CACNA1E: variants seen among roughly 807,000 people sequenced by gnomAD.
CACNA1E encodes the protein voltage-dependent R-type calcium channel subunit alpha-1E.
In CACNA1E, 40 loss-of-function variants were observed where a neutral mutation model predicts 259.2. That is an observed-to-expected ratio of 0.15 (90% CI 0.12 to 0.20). The LOEUF is 0.20. Among genes scored for constraint, CACNA1E ranks in the 10% least tolerant of loss-of-function variants. CACNA1E has a pLI of 1.00. For missense variants in CACNA1E, 1,874 were observed against 3,040.1 expected, an observed-to-expected ratio of 0.62 and a Z score of 9.02; for synonymous variants, 1,104 against 1,138.5, an observed-to-expected ratio of 0.97 and a Z score of 0.61.
intron 2 of CACNA1E, among the ~76,000 whole-genome samples, chr1:181,459,791 C>A (rs1186924786): frequency 6.6e-6 from 1 of 152,150 alleles, no homozygotes; most frequent in South Asian, 2.1e-4. Context: ...CTATTGACAC[C>A]AACTCACGAG....
intron 1 of CACNA1E, among the ~76,000 whole-genome samples, chr1:181,377,252 A>G (rs1252033706): frequency 6.6e-6 from 1 of 152,192 alleles, no homozygotes; most frequent in Non-Finnish European, 1.5e-5. Context: ...TGGACTTCTA[A>G]ACATGGATAG....
At chr1:181,431,387 G>C (rs1659704735) in intron 2 of CACNA1E, among the ~76,000 whole-genome samples, 1 of 152,182 alleles carries the variant, frequency 6.6e-6, no homozygotes, top group African/African-American at 2.4e-5. Flanking sequence ...TTCAAAGGGT[G>C]GTTCCCAAAA....
At chr1:181,464,844 T>A (rs1437497977) in intron 2 of CACNA1E, among the ~76,000 whole-genome samples, 2 of 152,146 alleles carry the variant, frequency 1.3e-5, no homozygotes, top group African/African-American at 4.8e-5. Flanking sequence ...GAACACCACC[T>A]TACCTCTGAC....
chr1:181,369,967 C>G (rs1052883635), intron 1 of CACNA1E, among the ~76,000 whole-genome samples: 6 of 152,254 alleles, frequency 3.9e-5, no homozygotes, highest in African/African-American at 1.2e-4. Flanking sequence ...GCTCCACTCT[C>G]AAGTAGGCCC....
chr1:181,785,642 A>G, intron 42 of CACNA1E, 71 bp from the exon 43 acceptor site: 1 of 1,097,990 alleles, frequency 9.1e-7, no homozygotes, highest in East Asian at 2.4e-5. Flanking sequence ...ATCCATGTTA[A>G]TTTTATTTTC....
At chr1:181,628,819 T>A (rs1185369603) in intron 6 of CACNA1E, among the ~76,000 whole-genome samples, 1 of 152,222 alleles carries the variant, frequency 6.6e-6, no homozygotes, top group Admixed American at 6.5e-5. Flanking sequence ...CAGCAGTGTT[T>A]AACATTCATT....
intron 36 of CACNA1E, 131 bp downstream of exon 36, chr1:181,771,515 C>T (rs1470064274): frequency 3.1e-6 from 2 of 635,928 alleles, no homozygotes; most frequent in Non-Finnish European, 5.7e-6. Context: ...GAAAGGGGAA[C>T]AGGCAATGTC....
At chr1:181,736,206 C>T in intron 21 of CACNA1E, 69 bp from the exon 22 acceptor site, 1 of 1,514,750 alleles carries the variant, frequency 6.6e-7, no homozygotes, top group South Asian at 1.3e-5. Flanking sequence ...TCATCCCCAA[C>T]TAAACACAAA....
At chr1:181,545,803 C>G (rs989618813) in intron 3 of CACNA1E, among the ~76,000 whole-genome samples, 37 of 152,268 alleles carry the variant, frequency 2.4e-4, no homozygotes, top group Non-Finnish European at 4.0e-4. Flanking sequence ...CCCTCTGTCT[C>G]CAGGAAAGAT....
intron 36 of CACNA1E, 50 bp downstream of exon 36, chr1:181,771,434 A>G (rs1293006139): frequency 6.1e-6 from 6 of 984,794 alleles, no homozygotes; most frequent in Middle Eastern, 2.0e-4. Context: ...ATGGAGGGAG[A>G]GAGAGTTTGT....
chr1:181,339,947 T>C (rs963531264), intron 1 of CACNA1E, among the ~76,000 whole-genome samples: 7 of 152,132 alleles, frequency 4.6e-5, no homozygotes, highest in African/African-American at 1.7e-4. Context: ...TTTATGTTTT[T>C]ATGACAGTTT....
chr1:181,408,215 T>C (rs752416339), intron 1 of CACNA1E, among the ~76,000 whole-genome samples: 20 of 152,038 alleles, frequency 1.3e-4, no homozygotes, highest in Non-Finnish European at 2.8e-4. Context: ...ACAAGGTAAG[T>C]TGGAGGATGC....
intron 7 of CACNA1E, among the ~76,000 whole-genome samples, chr1:181,674,151 G>A (rs1045042448): frequency 1.3e-5 from 2 of 151,246 alleles, no homozygotes; most frequent in African/African-American, 4.9e-5. Context: ...AGGCCAAGGC[G>A]GGCGGATCAC....
At chr1:181,445,639 G>GGTA (rs1660745947) in intron 2 of CACNA1E, among the ~76,000 whole-genome samples, 1 of 152,234 alleles carries the variant, frequency 6.6e-6, no homozygotes, top group African/African-American at 2.4e-5. Flanking sequence ...AGGTGATGTA[G>GGTA]CACACAAGGG....
intron 1 of CACNA1E, among the ~76,000 whole-genome samples, chr1:181,388,102 C>G (rs1019733772): frequency 6.6e-6 from 1 of 152,206 alleles, no homozygotes; most frequent in African/African-American, 2.4e-5. Context: ...ATTTGTTTCT[C>G]CCCGGAGAGT....
intron 3 of CACNA1E, among the ~76,000 whole-genome samples, chr1:181,553,641 G>C (rs111594421): frequency 0.036 from 5,535 of 152,270 alleles, 325 homozygotes; most frequent in African/African-American, 0.13. Context: ...CTATGGGTTT[G>C]ACATAAATAG....
intron 1 of CACNA1E, among the ~76,000 whole-genome samples, chr1:181,325,149 C>A (rs918720657): frequency 6.6e-6 from 1 of 152,194 alleles, no homozygotes; most frequent in Non-Finnish European, 1.5e-5. Context: ...GTCAACACAG[C>A]CCACCTCCTG....
intron 6 of CACNA1E, among the ~76,000 whole-genome samples, chr1:181,595,127 T>TGATATGAAACA (rs1458358701): frequency 3.3e-5 from 5 of 152,376 alleles, no homozygotes; most frequent in South Asian, 2.1e-4. Flanking sequence ...AGTGTTTTCT[T>TGATATGAAACA]GATATGAAAC....
intron 7 of CACNA1E, among the ~76,000 whole-genome samples, chr1:181,660,880 G>A (rs373350254): frequency 3.9e-5 from 6 of 152,332 alleles, no homozygotes; most frequent in Admixed American, 6.5e-5. Flanking sequence ...ACTGACTCAC[G>A]CAAGAGTTAC....
Sources: gnomAD v4.1 joint callset for allele counts (sites outside exome capture counted in the v4.1 genomes callset) on GRCh38, gnomAD v4.1.1 for gene constraint, MANE v1.5 for transcripts, NCBI Gene and HGNC (gene_info 2026-07-23, HGNC 2026-07-21) for gene names.